The following NELL1 variants were observed in gnomAD, a reference collection of about 807,000 sequenced individuals.
NELL1 encodes protein kinase C-binding protein NELL1.
NELL1 carries 76 observed loss-of-function variants against 107.4 expected under a neutral mutation model. That is an observed-to-expected ratio of 0.71 (90% CI 0.59 to 0.86). The LOEUF is 0.86. Among genes scored for constraint, NELL1 ranks in the 40% least tolerant of loss-of-function variants. The probability of loss-of-function intolerance (pLI) is 0.00; values close to 1 mark genes in which losing one functional copy is unlikely to be tolerated. For synonymous variants in NELL1, 353 were observed against 341.2 expected (o/e 1.03, Z -0.38); for missense variants, 1,024 against 1,005.5 (o/e 1.02, Z -0.25).
intron 2 of NELL1, among the ~76,000 whole-genome samples, chr11:20,771,493 G>A (rs1484293879): frequency 6.6e-6 from 1 of 152,170 alleles, no homozygotes; most frequent in East Asian, 1.9e-4. Flanking sequence ...GTATTTTCCT[G>A]TGGTTTGACA....
At chr11:20,679,020 A>G (rs999268499) in intron 2 of NELL1, among the ~76,000 whole-genome samples, 1 of 152,216 alleles carries the variant, frequency 6.6e-6, no homozygotes, top group Admixed American at 6.5e-5. Flanking sequence ...AAAGCCAACA[A>G]AAAGACTTTC....
At chr11:21,492,979 A>T (rs1255357683) in intron 15 of NELL1, among the ~76,000 whole-genome samples, 1 of 152,150 alleles carries the variant, frequency 6.6e-6, no homozygotes, top group African/African-American at 2.4e-5. Flanking sequence ...AGATGTATGA[A>T]AAAATGCTCA....
At chr11:21,382,194 G>A (rs961902226) in intron 15 of NELL1, among the ~76,000 whole-genome samples, 1 of 151,830 alleles carries the variant, frequency 6.6e-6, no homozygotes, top group Admixed American at 6.6e-5. Context: ...CATCAGCAAT[G>A]TGAATAGGGA....
chr11:20,925,533 G>A (rs146048055), intron 7 of NELL1, among the ~76,000 whole-genome samples: 52 of 150,250 alleles, frequency 3.5e-4, no homozygotes, highest in Admixed American at 1.6e-3. Flanking sequence ...TCATCTGCTC[G>A]TCTTGGCCTC....
intron 14 of NELL1, among the ~76,000 whole-genome samples, chr11:21,321,174 A>G (rs906999017): frequency 6.6e-6 from 1 of 152,188 alleles, no homozygotes; most frequent in Non-Finnish European, 1.5e-5. Flanking sequence ...GGTGCTGTAC[A>G]TGAGCAATGG....
chr11:21,350,068 T>A lies in NELL1; in HGVS notation c.1550-20785T>A, dbSNP rs1002392856. ...CAGTCATGCTTGGGAGGCTTCAAACTTTTATATCCAGTGATCATCACATCC... is the reference window on the plus strand; with the variant it reads ...CAGTCATGCTTGGGAGGCTTCAAACATTTATATCCAGTGATCATCACATCC... On this transcript the variant is annotated intron_variant, in intron 14 of 19. Coordinates refer to ENST00000357134, the MANE Select transcript of NELL1 (RefSeq NM_006157.5). Among the ~76,000 whole-genome samples, 5 of 152,154 alleles carry A rather than the reference T, an allele frequency of 3.3e-5. No homozygotes were observed. In the East Asian group the frequency reaches 9.6e-4, roughly 29 times the overall value.
intron 14 of NELL1, among the ~76,000 whole-genome samples, chr11:21,311,187 G>A (rs1033578906): frequency 6.6e-6 from 1 of 152,068 alleles, no homozygotes; most frequent in Non-Finnish European, 1.5e-5. Context: ...GCATTGCAAA[G>A]CAATATACTA....
At chr11:21,151,956 G>T (rs527741003) in intron 13 of NELL1, among the ~76,000 whole-genome samples, 1 of 152,126 alleles carries the variant, frequency 6.6e-6, no homozygotes, top group African/African-American at 2.4e-5. Context: ...CCAAACAGAG[G>T]TCTTTTGCCT....
chr11:21,441,196 T>C (rs1853272884), intron 15 of NELL1, among the ~76,000 whole-genome samples: 1 of 152,150 alleles, frequency 6.6e-6, no homozygotes, highest in Non-Finnish European at 1.5e-5. Context: ...TTTGGCTGTC[T>C]TTATTTCTTC....
intron 14 of NELL1, among the ~76,000 whole-genome samples, chr11:21,288,078 G>GA (rs373017345): frequency 4.8e-5 from 1 of 20,926 alleles, no homozygotes; most frequent in Non-Finnish European, 1.5e-4. Context: ...AATAAGGAAG[G>GA]GAGAAGGAAA....
chr11:20,755,345 TG>T, intron 2 of NELL1, among the ~76,000 whole-genome samples: 1 of 152,226 alleles, frequency 6.6e-6, no homozygotes, highest in Non-Finnish European at 1.5e-5. Flanking sequence ...TGAGAGAAAT[TG>T]CTCCTTCACT....
chr11:21,154,795 C>T (rs1389277970), intron 13 of NELL1, among the ~76,000 whole-genome samples: 2 of 151,896 alleles, frequency 1.3e-5, no homozygotes, highest in Admixed American at 1.3e-4. Context: ...TCATGTGGGC[C>T]TTTAAAAATT....
chr11:21,308,278 A>C (rs577319817), intron 14 of NELL1, among the ~76,000 whole-genome samples: 1 of 152,210 alleles, frequency 6.6e-6, no homozygotes, highest in Admixed American at 6.6e-5. Context: ...GAAACTGTTA[A>C]AGAAAACTCA....
At chr11:21,449,204 C>A (rs1192883668) in intron 15 of NELL1, among the ~76,000 whole-genome samples, 1 of 152,130 alleles carries the variant, frequency 6.6e-6, no homozygotes, top group Non-Finnish European at 1.5e-5. Flanking sequence ...TCCTCCTTAT[C>A]TATGTCAACC....
chr11:21,372,633 T>A (rs1851381755), intron 15 of NELL1, among the ~76,000 whole-genome samples: 1 of 151,914 alleles, frequency 6.6e-6, no homozygotes, highest in Non-Finnish European at 1.5e-5. Flanking sequence ...CTAGATGGAT[T>A]TTTTATTAAA....
At chr11:21,381,073 G>A (rs969799131) in intron 15 of NELL1, among the ~76,000 whole-genome samples, 55 of 151,964 alleles carry the variant, frequency 3.6e-4, no homozygotes, top group African/African-American at 1.3e-3. Flanking sequence ...ATTCTAACCC[G>A]TGTATTGCTG....
chr11:20,962,793 G>A (rs1040542888), intron 12 of NELL1, among the ~76,000 whole-genome samples: 2 of 152,178 alleles, frequency 1.3e-5, no homozygotes, highest in Non-Finnish European at 2.9e-5. Flanking sequence ...GTGCTATTGC[G>A]GTTGGGTAAT....
At chr11:21,337,052 T>A (rs1255394357) in intron 14 of NELL1, among the ~76,000 whole-genome samples, 1 of 152,052 alleles carries the variant, frequency 6.6e-6, no homozygotes, top group Non-Finnish European at 1.5e-5. Flanking sequence ...ATTGTTGAAA[T>A]GGAAAGAATT....
intron 12 of NELL1, among the ~76,000 whole-genome samples, chr11:21,092,557 T>G (rs1223808129): frequency 6.6e-6 from 1 of 152,094 alleles, no homozygotes; most frequent in Non-Finnish European, 1.5e-5. Context: ...GATGATAATA[T>G]ATGCCCCCTA....
Sources: allele counts gnomAD v4.1 joint callset (sites outside exome capture counted in the v4.1 genomes callset), GRCh38; gene constraint gnomAD v4.1.1; transcripts MANE v1.5; gene names NCBI Gene and HGNC (gene_info 2026-07-23, HGNC 2026-07-21).